CTNNA3: variants seen among roughly 807,000 people sequenced by gnomAD.
CTNNA3 encodes catenin alpha 3.
A neutral mutation model predicts 95.7 loss-of-function variants in CTNNA3; 76 were observed. That is an observed-to-expected ratio of 0.79 (90% CI 0.66 to 0.96). The LOEUF is 0.96. CTNNA3 is among the 40% of genes least tolerant of loss of function. The pLI, the probability that CTNNA3 is intolerant of heterozygous loss-of-function variation, is 0.00. For synonymous variants in CTNNA3, 431 were observed against 374.4 expected, an observed-to-expected ratio of 1.15 and a Z score of -1.74; for missense variants, 1,191 against 1,089.8, an observed-to-expected ratio of 1.09 and a Z score of -1.31.
At chr10:67,441,002 AAG>A (rs1307051980) in intron 5 of CTNNA3, among the ~76,000 whole-genome samples, 1 of 152,170 alleles carries the variant, frequency 6.6e-6, no homozygotes, top group Non-Finnish European at 1.5e-5. Context: ...GGTGACCTTT[AAG>A]AGAGAGAATT....
intron 15 of CTNNA3, among the ~76,000 whole-genome samples, chr10:66,039,473 A>T (rs1252362166): frequency 6.6e-6 from 1 of 152,176 alleles, no homozygotes; most frequent in Non-Finnish European, 1.5e-5. Context: ...CCAACTTCAA[A>T]CTATACTATG....
intron 11 of CTNNA3, among the ~76,000 whole-genome samples, chr10:66,495,911 G>T (rs1840084006): frequency 6.6e-6 from 1 of 152,016 alleles, no homozygotes; most frequent in African/African-American, 2.4e-5. Context: ...GCCTGCCTTG[G>T]CCTCCCAAAG....
At chr10:67,677,954 C>T (rs1413830793) in intron 1 of CTNNA3, among the ~76,000 whole-genome samples, 1 of 152,002 alleles carries the variant, frequency 6.6e-6, no homozygotes, top group Non-Finnish European at 1.5e-5. Flanking sequence ...TGCAAATGTA[C>T]CTCCTGTAGC....
intron 17 of CTNNA3, among the ~76,000 whole-genome samples, chr10:65,935,081 T>G (rs749929184): frequency 3.9e-4 from 59 of 152,166 alleles, no homozygotes; most frequent in Non-Finnish European, 5.6e-4. Flanking sequence ...CAGTGCAATT[T>G]GAGTTATTCC....
chr10:67,473,778 C>T (rs1267477412), intron 5 of CTNNA3, among the ~76,000 whole-genome samples: 1 of 152,158 alleles, frequency 6.6e-6, no homozygotes, highest in African/African-American at 2.4e-5. Flanking sequence ...ATAGCATTTA[C>T]ATTTTATAGG....
chr10:66,050,291 T>G (rs2079920029), intron 15 of CTNNA3, among the ~76,000 whole-genome samples: 1 of 151,988 alleles, frequency 6.6e-6, no homozygotes. Flanking sequence ...GATTTTGAAC[T>G]CTCTATCATC....
intron 15 of CTNNA3, among the ~76,000 whole-genome samples, chr10:66,007,524 A>C (rs12269075): frequency 0.17 from 25,302 of 152,126 alleles, 2,514 homozygotes; most frequent in East Asian, 0.49. Flanking sequence ...CATCATGTGC[A>C]GCTGTGAGTG....
chr10:66,285,552 T>C (rs910646924), intron 12 of CTNNA3, among the ~76,000 whole-genome samples: 2 of 151,866 alleles, frequency 1.3e-5, no homozygotes, highest in African/African-American at 4.8e-5. Context: ...TTTGTTTACA[T>C]CACAGTAATC....
intron 7 of CTNNA3, among the ~76,000 whole-genome samples, chr10:66,991,970 C>G (rs1851066341): frequency 2.6e-5 from 4 of 152,112 alleles, no homozygotes. Context: ...TGTCTTGGGT[C>G]TTCTTTCACC....
At chr10:66,121,740 C>A (rs575604583) in intron 13 of CTNNA3, among the ~76,000 whole-genome samples, 34 of 152,154 alleles carry the variant, frequency 2.2e-4, no homozygotes, top group Non-Finnish European at 3.5e-4. Context: ...ACTTGTGAGG[C>A]TGAGTTGGAT....
chr10:67,709,447 G>A (rs768456981), intron 1 of CTNNA3, among the ~76,000 whole-genome samples: 21 of 152,132 alleles, frequency 1.4e-4, no homozygotes, highest in Non-Finnish European at 7.4e-5. Flanking sequence ...TCCACGCACT[G>A]TAAACCCTCT....
intron 1 of CTNNA3, among the ~76,000 whole-genome samples, chr10:67,711,092 T>G (rs1443334654): frequency 6.6e-6 from 1 of 152,202 alleles, no homozygotes; most frequent in East Asian, 1.9e-4. Flanking sequence ...ATGCCTTATC[T>G]TCCACCATGA....
chr10:66,519,606 C>G (rs138987687), intron 11 of CTNNA3, among the ~76,000 whole-genome samples: 1 of 152,242 alleles, frequency 6.6e-6, no homozygotes, highest in East Asian at 1.9e-4. Context: ...CAAAAGATTG[C>G]AACCATTTGT....
At chr10:65,936,584 T>C (rs190742806) in intron 17 of CTNNA3, among the ~76,000 whole-genome samples, 140 of 152,220 alleles carry the variant, frequency 9.2e-4, no homozygotes, top group Middle Eastern at 3.4e-3. Flanking sequence ...ATATTTCCAA[T>C]TGCCTTTTGG....
intron 13 of CTNNA3, among the ~76,000 whole-genome samples, chr10:66,115,590 TAG>T (rs1330137613): frequency 2.9e-4 from 31 of 108,398 alleles, no homozygotes; most frequent in African/African-American, 1.2e-3. Flanking sequence ...GATAGATAGA[TAG>T]AGATAGAGAT....
chr10:66,571,639 AAAAAG>A (rs1842870534), intron 10 of CTNNA3, among the ~76,000 whole-genome samples: 1 of 152,212 alleles, frequency 6.6e-6, no homozygotes, highest in Admixed American at 6.5e-5. Flanking sequence ...ACTAATGAAC[AAAAAG>A]AAAAGTAACA....
chr10:67,748,952 G>A (rs1841387598), intron 1 of CTNNA3, among the ~76,000 whole-genome samples: 1 of 152,090 alleles, frequency 6.6e-6, no homozygotes, highest in African/African-American at 2.4e-5. Context: ...ATAAAGGGAT[G>A]GAGGAATATT....
chr10:67,158,611 A>G (rs1861406501), intron 7 of CTNNA3, among the ~76,000 whole-genome samples: 1 of 152,230 alleles, frequency 6.6e-6, no homozygotes, highest in African/African-American at 2.4e-5. Context: ...ATGTGCCCGC[A>G]TAAGTGTAGC....
At chr10:66,945,028 C>T (rs1848208775) in intron 7 of CTNNA3, among the ~76,000 whole-genome samples, 1 of 152,064 alleles carries the variant, frequency 6.6e-6, no homozygotes, top group Non-Finnish European at 1.5e-5. Context: ...TCTTAAGGGC[C>T]CCAGGATTTT....
Sources: gnomAD v4.1 joint callset for allele counts (sites outside exome capture counted in the v4.1 genomes callset) on GRCh38, gnomAD v4.1.1 for gene constraint, MANE v1.5 for transcripts, NCBI Gene and HGNC (gene_info 2026-07-23, HGNC 2026-07-21) for gene names.